SMARCA2: variants seen among roughly 807,000 people sequenced by gnomAD.
SMARCA2 encodes SWI/SNF-related matrix-associated actin-dependent regulator of chromatin subfamily A member 2.
Under a neutral mutation model 199.8 loss-of-function variants are expected in SMARCA2, and 61 were observed. The observed-to-expected ratio is 0.31, with a 90% confidence interval of 0.25 to 0.38. The LOEUF (loss-of-function observed/expected upper bound fraction) is 0.38. Among genes scored for constraint, SMARCA2 ranks in the 10% least tolerant of loss-of-function variants. SMARCA2 has a pLI of 1.00. For synonymous variants in SMARCA2, 935 were observed against 732.0 expected, an observed-to-expected ratio of 1.28 and a Z score of -4.48; for missense variants, 1,344 against 2,012.2, an observed-to-expected ratio of 0.67 and a Z score of 6.35.
chr9:2,102,643 A>C lies in SMARCA2; in HGVS notation c.3125+1027A>C, dbSNP rs1388304897. 4.6e-5 allele frequency among the ~76,000 whole-genome samples: 7 copies of C among 152,300 alleles called. No individual in the cohort carries two copies. The East Asian group carries it at 1.2e-3, about 25-fold the overall frequency. ...CTGTAGAGGGAAAAGGCCCTGCTTT[A>C]GCCTTTCTCCATATCACAGCGTCTT... is the stretch of plus-strand genomic sequence containing the variant. On this transcript the variant is annotated intron_variant, in intron 22 of 33. Transcript: ENST00000349721.
At chr9:2,174,711 AG>A (rs942485360) in intron 29 of SMARCA2, among the ~76,000 whole-genome samples, 12 of 152,060 alleles carry the variant, frequency 7.9e-5, no homozygotes, top group African/African-American at 2.7e-4. Context: ...GCTTCAGCTC[AG>A]GAGTCCGAGA....
rs886063795 is a variant in SMARCA2 at position 2,191,372 on chromosome 9, G to A, written c.4701G>A (p.Val1567=). 1 of 1,614,192 alleles carries A rather than the reference G, an allele frequency of 6.2e-7. No homozygotes were observed. The highest frequency in any genetic ancestry group is 1.3e-5 in the African/African-American group (1 of 75,060). The change falls in exon 33 of 34, where the codon GTG becomes GTA. Residue 1567 remains valine, a synonymous_variant. Transcript: ENST00000349721. The part of the protein sequence containing the change: ...RPNRGKAKPV[V]SDFDSDEEQD... ...ATCGAGGAAAAGCCAAACCTGTAGT[G>A]AGCGATTTTGACAGCGATGAGGAGC...
At chr9:2,069,524 A>G (rs1383608500) in intron 9 of SMARCA2, among the ~76,000 whole-genome samples, 1 of 151,266 alleles carries the variant, frequency 6.6e-6, no homozygotes, top group Non-Finnish European at 1.5e-5. Flanking sequence ...GGGCCACCGC[A>G]CTCCAGCCTG....
intron 3 of SMARCA2, among the ~76,000 whole-genome samples, chr9:2,038,759 T>C (rs1038512867): frequency 6.6e-6 from 1 of 152,066 alleles, no homozygotes; most frequent in Non-Finnish European, 1.5e-5. Flanking sequence ...TAGTACTCAA[T>C]CCTTAAATAA....
chr9:2,156,262 T>C (rs1825352659), intron 27 of SMARCA2, among the ~76,000 whole-genome samples: 1 of 152,166 alleles, frequency 6.6e-6, no homozygotes, highest in Non-Finnish European at 1.5e-5. Flanking sequence ...TTCGCTAATA[T>C]GTGCTGTGTG....
chr9:2,130,529 C>T (rs574623483), intron 27 of SMARCA2, among the ~76,000 whole-genome samples: 4 of 152,246 alleles, frequency 2.6e-5, no homozygotes, highest in Non-Finnish European at 5.9e-5. Flanking sequence ...GTAACTCTCC[C>T]GAACAAGGGA....
At chr9:2,189,426 T>A (rs997047293) in intron 32 of SMARCA2, among the ~76,000 whole-genome samples, 1 of 152,074 alleles carries the variant, frequency 6.6e-6, no homozygotes, top group Non-Finnish European at 1.5e-5. Flanking sequence ...AGGATACATT[T>A]TCTTACCCCT....
intron 4 of SMARCA2, chr9:2,041,630 A>G (rs1819606590): frequency 2.6e-6 from 1 of 380,758 alleles, no homozygotes; most frequent in Non-Finnish European, 4.6e-6. Context: ...TGGGTTTTAA[A>G]AGGGCAAGAA....
In SMARCA2 at chr9:2,169,308, G is replaced by A. The variant is rs759333911; in HGVS notation, c.4200-1111G>A. ...GGCACCTAACTTGTCATTTCATATTGTAACTTTAGAACTCTTCACAGCGGC... is the reference window on the plus strand; with the variant it reads ...GGCACCTAACTTGTCATTTCATATTATAACTTTAGAACTCTTCACAGCGGC... On this transcript the variant is annotated intron_variant, in intron 28 of 33. Coordinates refer to ENST00000349721, the MANE Select transcript of SMARCA2 (RefSeq NM_003070.5). This position sits in a 1 kb window ranked among gnomAD's most constrained non-coding sequence, Gnocchi z 6.5. Among the ~76,000 whole-genome samples the A allele has an allele frequency of 6.6e-6, 1 of 152,124 alleles. No individual in the cohort carries two copies. Among genetic ancestry groups the A allele is most frequent in the Non-Finnish European group, 1.5e-5 (1 of 68,030 alleles).
chr9:2,098,980 G>A (rs1007569130), intron 21 of SMARCA2, among the ~76,000 whole-genome samples: 1 of 151,688 alleles, frequency 6.6e-6, no homozygotes, highest in African/African-American at 2.4e-5. Context: ...TTATTTACAT[G>A]TATTGTTGAA....
rs1227671173 is a variant in SMARCA2 at position 2,054,025 on chromosome 9, A to T, written c.1047-572A>T. ...CTTTTCTCAAGCAAGCTCTGCTCACAGAGGAAGTGGTTGTGGCTGGCAGAG... is the reference window on the plus strand; with the variant it reads ...CTTTTCTCAAGCAAGCTCTGCTCACTGAGGAAGTGGTTGTGGCTGGCAGAG... On this transcript the variant is annotated intron_variant, in intron 5 of 33. Transcript: ENST00000349721. Among the ~76,000 whole-genome samples, 4 of 152,206 alleles carry T rather than the reference A, an allele frequency of 2.6e-5. No individual in the cohort carries two copies. In the East Asian group the frequency reaches 7.7e-4, roughly 29 times the overall value.
At chr9:2,186,073 C>G (rs1376991178) in intron 31 of SMARCA2, 23 bp from the exon 32 acceptor site, 3 of 1,610,342 alleles carry the variant, frequency 1.9e-6, no homozygotes, top group Admixed American at 1.7e-5. Flanking sequence ...GCAGTTTTAA[C>G]AGATGCCCCT....
intron 27 of SMARCA2, among the ~76,000 whole-genome samples, chr9:2,157,250 T>G (rs1465803926): frequency 6.6e-6 from 1 of 152,222 alleles, no homozygotes; most frequent in Non-Finnish European, 1.5e-5. Context: ...GGATCATTAC[T>G]GTATTATTGG....
chr9:2,148,257 C>G (rs1824868897), intron 27 of SMARCA2, among the ~76,000 whole-genome samples: 1 of 151,580 alleles, frequency 6.6e-6, no homozygotes, highest in Non-Finnish European at 1.5e-5. Flanking sequence ...GTATAACTAA[C>G]ATCAACATGT....
chr9:2,155,429 C>T lies in SMARCA2; in HGVS notation c.3982-6257C>T, dbSNP rs555642292. Among the ~76,000 whole-genome samples the T allele has an allele frequency of 4.4e-4, 67 of 152,134 alleles. 1 individual carries two copies. Among genetic ancestry groups the T allele is most frequent in the African/African-American group, 1.4e-3 (57 of 41,528 alleles). The stretch of plus-strand genomic sequence containing the variant: ...TCCCGAGTAGCTGGGACTACAGGCA[C>T]GTGCCACCACACCTGGCTAATGTTT... On this transcript the variant is annotated intron_variant, in intron 27 of 33. Transcript: ENST00000349721.
At chr9:2,070,360 G>A (rs1821035883) in intron 9 of SMARCA2, 58 bp from the exon 10 acceptor site, 2 of 1,395,938 alleles carry the variant, frequency 1.4e-6, no homozygotes, top group Middle Eastern at 1.8e-4. Context: ...GAGTTACCAG[G>A]AAGTCCTGTA....
intron 31 of SMARCA2, among the ~76,000 whole-genome samples, chr9:2,185,793 A>G (rs372562740): frequency 2.0e-4 from 31 of 152,240 alleles, no homozygotes; most frequent in African/African-American, 7.5e-4. Context: ...AATTCAAATA[A>G]GAAATGTAGT....
intron 1 of SMARCA2, among the ~76,000 whole-genome samples, chr9:2,019,758 G>A (rs530944523): frequency 6.6e-6 from 1 of 151,520 alleles, no homozygotes; most frequent in Non-Finnish European, 1.5e-5. Context: ...TACAGCAAGA[G>A]CATAAAAAGA....
At chr9:2,080,644 A>T (rs960105827) in intron 14 of SMARCA2, among the ~76,000 whole-genome samples, 3 of 151,814 alleles carry the variant, frequency 2.0e-5, no homozygotes, top group Admixed American at 2.0e-4. Flanking sequence ...CTGTTTCTCT[A>T]CTTATCTCTT....
Sources: gnomAD v4.1 joint callset for allele counts (sites outside exome capture counted in the v4.1 genomes callset) on GRCh38, gnomAD v4.1.1 for gene constraint, Gnocchi (gnomAD v3.1) non-coding constraint, MANE v1.5 for transcripts, NCBI Gene and HGNC (gene_info 2026-07-23, HGNC 2026-07-21) for gene names.